The following TMEM232 variants were observed in gnomAD, a reference collection of about 807,000 sequenced individuals.
TMEM232 encodes transmembrane protein 232.
In TMEM232, 80 loss-of-function variants were observed where a neutral mutation model predicts 78.8. That is an observed-to-expected ratio of 1.01 (90% CI 0.85 to 1.22). The LOEUF is 1.22. Among genes scored for constraint, TMEM232 ranks in the 50% most tolerant of loss-of-function variants. The probability of loss-of-function intolerance (pLI) is 0.00; values close to 1 mark genes in which losing one functional copy is unlikely to be tolerated. For synonymous variants in TMEM232, 297 were observed against 254.3 expected (o/e 1.17, Z -1.60); for missense variants, 881 against 742.2 (o/e 1.19, Z -2.17).
Position 110,605,096 on chromosome 5 carries a change from A to C in TMEM232, c.1276+13T>G. On this transcript the variant is annotated intron_variant, in intron 10 of 13. Coordinates refer to ENST00000455884, the MANE Select transcript of TMEM232 (RefSeq NM_001039763.4). ...AAAATATTACTCATCAAAGTAAAAA[A>C]CAATCTACTTACAGTTCTCTGACAT... is the stretch of plus-strand genomic sequence containing the variant. The C allele has an allele frequency of 6.6e-7, 1 of 1,522,284 alleles. No homozygotes were observed. The highest frequency in any genetic ancestry group is 2.1e-5 in the Admixed American group (1 of 47,222). The allele number at this position is 1,522,284 out of a possible 1,614,324, so 94.3% of individuals were successfully genotyped here.
intron 10 of TMEM232, among the ~76,000 whole-genome samples, chr5:110,575,225 TATC>T (rs1317237405): frequency 6.6e-5 from 10 of 152,210 alleles, no homozygotes; most frequent in South Asian, 2.1e-4. Context: ...ATTTTGCATA[TATC>T]ATCATTATTG....
intron 12 of TMEM232, among the ~76,000 whole-genome samples, chr5:110,521,748 G>A (rs768461970): frequency 2.0e-5 from 3 of 152,000 alleles, no homozygotes; most frequent in Admixed American, 1.3e-4. Flanking sequence ...CCTTGTCAAT[G>A]GTCAATTGAC....
chr5:110,673,935 G>C (rs1791690291), intron 1 of TMEM232, among the ~76,000 whole-genome samples: 1 of 146,190 alleles, frequency 6.8e-6, no homozygotes, highest in Non-Finnish European at 1.5e-5. Flanking sequence ...TTCTATAAAG[G>C]CCTGATTATC....
At chr5:110,493,605 G>GT (rs1765334457) in intron 12 of TMEM232, among the ~76,000 whole-genome samples, 1 of 151,982 alleles carries the variant, frequency 6.6e-6, no homozygotes, top group African/African-American at 2.4e-5. Context: ...TAAATGGTGT[G>GT]TAAATATTGG....
chr5:110,610,554 G>A (rs1782134974), intron 8 of TMEM232: 1 of 456,262 alleles, frequency 2.2e-6, no homozygotes, highest in South Asian at 1.5e-5. Flanking sequence ...GCTTCTCAAA[G>A]TGAAGTTTCT....
intron 1 of TMEM232, among the ~76,000 whole-genome samples, chr5:110,670,661 G>C (rs1791239281): frequency 6.6e-6 from 1 of 151,978 alleles, no homozygotes; most frequent in African/African-American, 2.4e-5. Context: ...GCTATATAGA[G>C]GAGTGCCATC....
In TMEM232 at chr5:110,503,860, C is replaced by CT. The variant is rs34687688; in HGVS notation, c.1703+24727dup. ...CTGTGCATAAAATGGAGCTGTGTGA[C>CT]TTTTTTAGAGGACAATGATGCCTTG... On this transcript the variant is annotated intron_variant, in intron 12 of 13. Coordinates refer to ENST00000455884, the MANE Select transcript of TMEM232 (RefSeq NM_001039763.4). 8.0e-4 allele frequency among the ~76,000 whole-genome samples: 122 copies of CT among 152,280 alleles called. 1 individual carries two copies. Among genetic ancestry groups the CT allele is most frequent in the African/African-American group, 2.9e-3 (120 of 41,564 alleles).
intron 2 of TMEM232, among the ~76,000 whole-genome samples, chr5:110,652,294 G>GCACACACACACACACACACACACA (rs70999969): frequency 7.6e-5 from 11 of 145,452 alleles, no homozygotes; most frequent in East Asian, 6.2e-4. Context: ...GCACGCGCGC[G>GCACACACACACACACACACACACA]CACACACACA....
rs10522202 is a variant in TMEM232, at chr5:110,721,673, G to GTATATATATA, written c.-13+4944_-13+4953dup. ...GCATATCATGTGTGTGTGTGTGTGTGTATATATATATCTGTGTGTGTTAGT... is the reference window on the plus strand; with the variant it reads ...GCATATCATGTGTGTGTGTGTGTGTGTATATATATATATATATATATCTGTGTGTGTTAGT... On this transcript the variant is annotated intron_variant, in intron 1 of 13. Coordinates refer to ENST00000455884, the MANE Select transcript of TMEM232 (RefSeq NM_001039763.4). 7.6e-4 allele frequency among the ~76,000 whole-genome samples: 27 copies of GTATATATATA among 35,488 alleles called. 8 individuals are homozygous for GTATATATATA. The highest frequency in any genetic ancestry group is 3.5e-3 in the East Asian group (3 of 860). The allele number at this position is 35,488 out of a possible 152,430, so 23.3% of individuals were successfully genotyped here.
chr5:110,682,919 G>A (rs1398330885), intron 1 of TMEM232, among the ~76,000 whole-genome samples: 1 of 152,058 alleles, frequency 6.6e-6, no homozygotes, highest in African/African-American at 2.4e-5. Flanking sequence ...ACTTCTGTGT[G>A]GTATGGTGGG....
upstream of TMEM232, among the ~76,000 whole-genome samples, chr5:110,730,822 C>A (rs1017229282): frequency 4.6e-5 from 7 of 152,092 alleles, no homozygotes; most frequent in African/African-American, 1.7e-4. Context: ...CACAGCCAAA[C>A]CAGATCATTC....
intron 1 of TMEM232, among the ~76,000 whole-genome samples, chr5:110,694,367 C>G (rs1794508367): frequency 6.6e-6 from 1 of 152,142 alleles, no homozygotes; most frequent in African/African-American, 2.4e-5. Context: ...ATTGCAAAGA[C>G]CATCAAGGCT....
chr5:110,596,345 C>T (rs944173419), intron 10 of TMEM232, among the ~76,000 whole-genome samples: 3 of 152,192 alleles, frequency 2.0e-5, no homozygotes, highest in Non-Finnish European at 4.4e-5. Context: ...AGACCAATAA[C>T]AGGCTCTGAA....
chr5:110,449,617 C>T (rs574742085), intron 12 of TMEM232, among the ~76,000 whole-genome samples: 1 of 151,912 alleles, frequency 6.6e-6, no homozygotes, highest in African/African-American at 2.4e-5. Context: ...ACTTTCTGGA[C>T]ATCTCTACAC....
intron 12 of TMEM232, among the ~76,000 whole-genome samples, chr5:110,512,722 C>A (rs915437972): frequency 6.6e-6 from 1 of 152,216 alleles, no homozygotes; most frequent in African/African-American, 2.4e-5. Context: ...TCAACAATCC[C>A]CCTTTCTTTG....
In TMEM232 at chr5:110,393,702, A is replaced by G. The variant is rs530676687; in HGVS notation, n.391-3062T>C. Among the ~76,000 whole-genome samples, 9 of 152,238 alleles carry G rather than the reference A, an allele frequency of 5.9e-5. No homozygotes were observed. The South Asian group carries it at 1.9e-3, about 32-fold the overall frequency. ...CTGGGTGCAGTGGCTGATGACTGTAATCCTAGCATTTTGAGAGGCCGTGGT... is the reference window on the plus strand; with the variant it reads ...CTGGGTGCAGTGGCTGATGACTGTAGTCCTAGCATTTTGAGAGGCCGTGGT... On this transcript the variant is annotated intron_variant and non_coding_transcript_variant, in intron 3 of 8. Coordinates refer to the TMEM232 transcript ENST00000507188.
intron 2 of TMEM232, among the ~76,000 whole-genome samples, chr5:110,661,008 T>C (rs1789704474): frequency 6.6e-6 from 1 of 152,170 alleles, no homozygotes; most frequent in Non-Finnish European, 1.5e-5. Context: ...CTTCCCAGCT[T>C]CTGGTAACCA....
intron 12 of TMEM232, among the ~76,000 whole-genome samples, chr5:110,510,976 T>G (rs553721125): frequency 1.3e-5 from 2 of 152,276 alleles, no homozygotes; most frequent in Admixed American, 1.3e-4. Context: ...ATCATTCTAC[T>G]ATAAAGACAC....
chr5:110,461,895 A>G (rs1284678217), intron 12 of TMEM232, among the ~76,000 whole-genome samples: 1 of 152,192 alleles, frequency 6.6e-6, no homozygotes, highest in Non-Finnish European at 1.5e-5. Context: ...CCTAAAAAAA[A>G]ATGTATTTCA....
Sources: allele counts gnomAD v4.1 joint callset (sites outside exome capture counted in the v4.1 genomes callset), GRCh38; gene constraint gnomAD v4.1.1; transcripts MANE v1.5; gene names NCBI Gene and HGNC (gene_info 2026-07-23, HGNC 2026-07-21).